The following KLF8 variants were observed in gnomAD, a reference collection of about 807,000 sequenced individuals.
The protein encoded by KLF8 is KLF transcription factor 8, also known as Krueppel-like factor 8.
KLF8 carries 10 observed loss-of-function variants against 18.2 expected under a neutral mutation model. That is an observed-to-expected ratio of 0.55 (90% confidence interval 0.34 to 0.93). The LOEUF is 0.93. Among genes scored for constraint, KLF8 ranks in the 40% least tolerant of loss-of-function variants. The pLI, the probability that KLF8 is intolerant of heterozygous loss-of-function variation, is 0.02. For missense variants in KLF8, 264 were observed against 277.9 expected (o/e 0.95, Z 0.36); for synonymous variants, 109 against 97.3 (o/e 1.12, Z -0.71).
chrX:55,933,393 G>C, the KLF8 span, among the ~76,000 whole-genome samples: 2 of 111,664 alleles, frequency 1.8e-5, no homozygotes, highest in Admixed American at 1.9e-4. Context: ...GCAATGTTAT[G>C]AAAGCTTCTC....
chrX:56,094,574 G>T, the KLF8 span, among the ~76,000 whole-genome samples: 10 of 110,629 alleles, frequency 9.0e-5, no homozygotes, highest in Non-Finnish European at 1.9e-5. Flanking sequence ...AATCAAACAG[G>T]ATATTGTTAA....
chrX:56,282,710 T>C (rs940035264), intron 5 of KLF8, among the ~76,000 whole-genome samples: 7 of 111,909 alleles, frequency 6.3e-5, no homozygotes, highest in African/African-American at 1.9e-4. Flanking sequence ...AGAATACCAA[T>C]GCATTTTTGT....
chrX:56,093,947 G>A, the KLF8 span, among the ~76,000 whole-genome samples: 1 of 103,701 alleles, frequency 9.6e-6, no homozygotes, highest in African/African-American at 3.7e-5. Context: ...GTGTGTGTGT[G>A]TGTATGAGAG....
the KLF8 span, among the ~76,000 whole-genome samples, chrX:56,104,109 T>G: frequency 6.3e-5 from 7 of 111,831 alleles, no homozygotes; most frequent in African/African-American, 1.9e-4. Context: ...CTGGATTCAG[T>G]TTGCCAGTAT....
chrX:55,967,712 A>G, the KLF8 span, among the ~76,000 whole-genome samples: 2 of 111,857 alleles, frequency 1.8e-5, no homozygotes, highest in Middle Eastern at 4.2e-3. Flanking sequence ...AGAAAAACAC[A>G]TAATATTATA....
chrX:56,122,812 C>T, the KLF8 span, among the ~76,000 whole-genome samples: 2 of 110,686 alleles, frequency 1.8e-5, no homozygotes, highest in South Asian at 7.7e-4. Flanking sequence ...TGGTCTTGAA[C>T]TCCTGGGCTC....
At chrX:56,152,414 G>A in the KLF8 span, among the ~76,000 whole-genome samples, 1 of 111,162 alleles carries the variant, frequency 9.0e-6, no homozygotes, top group Non-Finnish European at 1.9e-5. Flanking sequence ...AATCATAGAA[G>A]GTGGTTTTAC....
chrX:55,950,471 T>C, the KLF8 span, among the ~76,000 whole-genome samples: 2 of 111,821 alleles, frequency 1.8e-5, no homozygotes, highest in African/African-American at 6.5e-5. Flanking sequence ...CTTAAGCAAG[T>C]TGCTCAACAT....
the KLF8 span, among the ~76,000 whole-genome samples, chrX:55,949,211 C>T: frequency 9.0e-6 from 1 of 111,338 alleles, no homozygotes; most frequent in Non-Finnish European, 1.9e-5. Flanking sequence ...GATGAATCCA[C>T]TTCTCATTTT....
chrX:56,056,168 T>C, the KLF8 span, among the ~76,000 whole-genome samples: 6 of 111,794 alleles, frequency 5.4e-5, no homozygotes, highest in African/African-American at 1.6e-4. Context: ...GTTCTTGTGT[T>C]GGTTTTCTCA....
chrX:56,173,691 T>A, the KLF8 span, among the ~76,000 whole-genome samples: 4 of 111,627 alleles, frequency 3.6e-5, no homozygotes, highest in Admixed American at 3.8e-4. Flanking sequence ...ACCTTGGGCA[T>A]TATGGCCATT....
At chrX:56,194,085 G>T in the KLF8 span, among the ~76,000 whole-genome samples, 7 of 110,945 alleles carry the variant, frequency 6.3e-5, no homozygotes, top group East Asian at 2.0e-3. Flanking sequence ...CTAACTCGGG[G>T]TGGGGAGGTG....
At chrX:55,950,673 G>A in the KLF8 span, among the ~76,000 whole-genome samples, 8 of 111,743 alleles carry the variant, frequency 7.2e-5, no homozygotes, top group Non-Finnish European at 1.5e-4. Flanking sequence ...TACTAATTCT[G>A]TAAGGATTAT....
chrX:55,939,397 A>G, the KLF8 span, among the ~76,000 whole-genome samples: 2 of 111,794 alleles, frequency 1.8e-5, no homozygotes, highest in African/African-American at 6.5e-5. Context: ...GGAAATTTAT[A>G]GCACTAAATG....
the KLF8 span, among the ~76,000 whole-genome samples, chrX:56,159,814 T>A: frequency 9.0e-6 from 1 of 111,580 alleles, no homozygotes; most frequent in African/African-American, 3.3e-5. Flanking sequence ...GTCTATCAAT[T>A]TCGTTGATCT....
the KLF8 span, among the ~76,000 whole-genome samples, chrX:55,985,147 T>A: frequency 8.9e-6 from 1 of 111,780 alleles, no homozygotes; most frequent in African/African-American, 3.2e-5. Context: ...TATTCATCAA[T>A]TTTTGCTTTT....
the KLF8 span, among the ~76,000 whole-genome samples, chrX:56,041,026 T>C: frequency 9.4e-6 from 1 of 106,014 alleles, no homozygotes; most frequent in South Asian, 4.4e-4. Flanking sequence ...CCATTTCTTC[T>C]AGATTTTCTA....
chrX:56,205,453 T>C, the KLF8 span, among the ~76,000 whole-genome samples: 1 of 112,010 alleles, frequency 8.9e-6, no homozygotes, highest in Non-Finnish European at 1.9e-5. Flanking sequence ...TCTGTTGATA[T>C]TATGTATCAT....
chrX:56,002,411 GTGTGTA>G, the KLF8 span, among the ~76,000 whole-genome samples: 3,798 of 43,884 alleles, frequency 0.087, 172 homozygotes, highest in African/African-American at 0.35. Context: ...TAATCAATTT[GTGTGTA>G]TGTGTGTGTG....
Sources: allele counts gnomAD v4.1 joint callset (sites outside exome capture counted in the v4.1 genomes callset), GRCh38; gene constraint gnomAD v4.1.1; transcripts MANE v1.5; gene names NCBI Gene and HGNC (gene_info 2026-07-23, HGNC 2026-07-21).